SDK2: variants seen among roughly 807,000 people sequenced by gnomAD.
SDK2 encodes the protein protein sidekick-2.
In SDK2, 105 loss-of-function variants were observed where a neutral mutation model predicts 253.9. That is an observed-to-expected ratio of 0.41 (90% CI 0.35 to 0.49). The LOEUF is 0.49. Ranked by LOEUF, SDK2 falls within the 20% of genes least tolerant of loss-of-function variation. SDK2 has a pLI of 0.06. For synonymous variants in SDK2, 1,249 were observed against 1,234.9 expected (o/e 1.01, Z -0.24); for missense variants, 2,608 against 3,003.0 (o/e 0.87, Z 3.07).
At chr17:73,590,052 G>A (rs374046064) in intron 1 of SDK2, among the ~76,000 whole-genome samples, 1 of 152,246 alleles carries the variant, frequency 6.6e-6, no homozygotes, top group South Asian at 2.1e-4. Context: ...GATACAGCCA[G>A]TTACAGACTC....
At chr17:73,538,542 G>T (rs1422417114) in intron 1 of SDK2, among the ~76,000 whole-genome samples, 2 of 152,196 alleles carry the variant, frequency 1.3e-5, no homozygotes, top group Non-Finnish European at 2.9e-5. Flanking sequence ...TAAATTAAAT[G>T]TGCACAGGTG....
chr17:73,461,815 G>A (rs1276423774), intron 3 of SDK2, among the ~76,000 whole-genome samples: 1 of 152,182 alleles, frequency 6.6e-6, no homozygotes, highest in East Asian at 1.9e-4. Flanking sequence ...ATGTATGTTT[G>A]GATGGTGGGA....
At chr17:73,424,327 G>C (rs1220578346) in intron 12 of SDK2, among the ~76,000 whole-genome samples, 2 of 152,152 alleles carry the variant, frequency 1.3e-5, no homozygotes, top group African/African-American at 4.8e-5. Context: ...AACGCATTCA[G>C]TCATTATTGG....
intron 1 of SDK2, among the ~76,000 whole-genome samples, chr17:73,606,853 A>T (rs2045915137): frequency 6.6e-6 from 1 of 152,158 alleles, no homozygotes; most frequent in Non-Finnish European, 1.5e-5. Context: ...GAAGGGGTGC[A>T]GATCAGGCGG....
At chr17:73,512,550 T>TACACACACACACACACACAC (rs144659441) in intron 1 of SDK2, among the ~76,000 whole-genome samples, 1 of 148,880 alleles carries the variant, frequency 6.7e-6, no homozygotes, top group African/African-American at 2.5e-5. Flanking sequence ...CACACACACA[T>TACACACACACACACACACAC]ACACACACAC....
rs376787183 is a variant in SDK2 at position 73,383,044 on chromosome 17, CA to C, written c.4705+831del. 2.0e-3 allele frequency among the ~76,000 whole-genome samples: 302 copies of C among 152,176 alleles called. 1 individual carries two copies. The highest frequency in any genetic ancestry group is 6.9e-3 in the African/African-American group (288 of 41,534). On this transcript the variant is annotated intron_variant, in intron 33 of 44. Transcript: ENST00000392650. The surrounding 1 kb of genome is among the most constrained non-coding windows in gnomAD (Gnocchi z 4.3). Reference sequence around the variant, plus strand: ...ACTCTGTCTAAAAAAACCCAAAAAACAAAAAAACCTCAAGTCCTGGAGCATC... The same window carrying C: ...ACTCTGTCTAAAAAAACCCAAAAAACAAAAAACCTCAAGTCCTGGAGCATC...
intron 2 of SDK2, among the ~76,000 whole-genome samples, chr17:73,488,968 C>T (rs937613598): frequency 2.0e-5 from 3 of 152,166 alleles, no homozygotes; most frequent in Admixed American, 1.3e-4. Flanking sequence ...CAGCGCTTGA[C>T]GTTCGGTAAG....
chr17:73,582,390 G>A (rs2045549239), intron 1 of SDK2, among the ~76,000 whole-genome samples: 1 of 152,222 alleles, frequency 6.6e-6, no homozygotes, highest in African/African-American at 2.4e-5. Context: ...CACCACGCAG[G>A]CATCAGCTTT....
intron 7 of SDK2, 55 bp from the exon 8 acceptor site, chr17:73,437,877 C>T (rs1021467046): frequency 1.8e-5 from 29 of 1,608,804 alleles, no homozygotes; most frequent in Non-Finnish European, 2.5e-5. Context: ...TTTGATCCAG[C>T]CACTGTAGGG....
intron 1 of SDK2, among the ~76,000 whole-genome samples, chr17:73,594,491 G>A (rs1029845857): frequency 6.6e-6 from 1 of 151,244 alleles, no homozygotes; most frequent in African/African-American, 2.4e-5. Context: ...GAGGGAGGGG[G>A]AGAGAGAGAG....
chr17:73,530,324 A>G (rs1470653817), intron 1 of SDK2, among the ~76,000 whole-genome samples: 2 of 152,226 alleles, frequency 1.3e-5, no homozygotes, highest in Admixed American at 6.5e-5. Flanking sequence ...CACGTCTTAC[A>G]TGGTAGCAGG....
At chr17:73,473,465 C>A (rs1221497607) in intron 2 of SDK2, among the ~76,000 whole-genome samples, 1 of 152,126 alleles carries the variant, frequency 6.6e-6, no homozygotes, top group African/African-American at 2.4e-5. Flanking sequence ...TCATTGGTAT[C>A]CTAGGGTTTG....
In SDK2 at chr17:73,560,939, G is replaced by T. The variant is rs77965888; in HGVS notation, c.65-53342C>A. On this transcript the variant is annotated intron_variant, in intron 1 of 44. Transcript: ENST00000392650. ...AGGATCCTCTTTGAGGTCAGGAAGC[G>T]GGGCGTGTGGGGTGTGCCACTGGGC... Among the ~76,000 whole-genome samples the T allele has an allele frequency of 2.6e-5, 4 of 152,226 alleles. No individual in the cohort carries two copies. In the South Asian group the frequency reaches 8.3e-4, roughly 32 times the overall value.
intron 10 of SDK2, among the ~76,000 whole-genome samples, chr17:73,432,767 C>T (rs1345779749): frequency 2.0e-5 from 3 of 151,768 alleles, no homozygotes; most frequent in Admixed American, 6.6e-5. Context: ...TGTGTTTGTA[C>T]GTGTGTGTGC....
At chr17:73,452,300 T>G (rs1039752274) in intron 4 of SDK2, among the ~76,000 whole-genome samples, 2 of 151,850 alleles carry the variant, frequency 1.3e-5, no homozygotes, top group African/African-American at 4.8e-5. Flanking sequence ...CAGATAGCAC[T>G]CATCAGATGT....
chr17:73,488,732 T>A (rs746992058), intron 2 of SDK2, among the ~76,000 whole-genome samples: 3 of 152,208 alleles, frequency 2.0e-5, no homozygotes, highest in Non-Finnish European at 4.4e-5. Flanking sequence ...AGTATTATAG[T>A]AGTTATGCGT....
In SDK2 at chr17:73,612,964, C is replaced by A. The variant is rs1313110611; in HGVS notation, c.64+31061G>T. On this transcript the variant is annotated intron_variant, in intron 1 of 44. Transcript: ENST00000392650. The surrounding 1 kb of genome is among the most constrained non-coding windows in gnomAD (Gnocchi z 4.4). ...AGTAATGGTAATAATAGCAGCCTAC[C>A]AGATGTTTAGTATACACCAGGCTCT... 6.6e-6 allele frequency among the ~76,000 whole-genome samples: 1 copy of A among 151,662 alleles called. No individual in the cohort carries two copies. The highest frequency in any genetic ancestry group is 2.4e-5 in the African/African-American group (1 of 41,036).
At chr17:73,553,891 G>A (rs1057097418) in intron 1 of SDK2, among the ~76,000 whole-genome samples, 15 of 152,162 alleles carry the variant, frequency 9.9e-5, no homozygotes, top group Non-Finnish European at 1.9e-4. Flanking sequence ...CTGGCCTGCA[G>A]AAGACCTCTT....
In SDK2 at chr17:73,535,438, T is replaced by C. The variant is rs1251399488; in HGVS notation, c.65-27841A>G. On this transcript the variant is annotated intron_variant, in intron 1 of 44. Transcript: ENST00000392650. ...TACTGGTGTGCATCTGCTGGGTGAA[T>C]GGCGGGGTGGGGCATTCTGCAGTCC... Among the ~76,000 whole-genome samples, 6 of 152,302 alleles carry C rather than the reference T, an allele frequency of 3.9e-5. No homozygotes were observed. The South Asian group carries it at 8.3e-4, about 21-fold the overall frequency.
Sources: gnomAD v4.1 joint callset for allele counts (sites outside exome capture counted in the v4.1 genomes callset) on GRCh38, gnomAD v4.1.1 for gene constraint, Gnocchi (gnomAD v3.1) non-coding constraint, MANE v1.5 for transcripts, NCBI Gene and HGNC (gene_info 2026-07-23, HGNC 2026-07-21) for gene names.